CPE: variants seen among roughly 807,000 people sequenced by gnomAD.
CPE encodes the protein carbocypeptidase E.
Under a neutral mutation model 53.5 loss-of-function variants are expected in CPE, and 17 were observed. That is an observed-to-expected ratio of 0.32 (90% CI 0.22 to 0.48). The LOEUF (loss-of-function observed/expected upper bound fraction) is 0.48, where lower values mean the gene tolerates loss of function less well. CPE is among the 20% of genes least tolerant of loss of function. The pLI, the probability that CPE is intolerant of heterozygous loss-of-function variation, is 0.99. For synonymous variants in CPE, 226 were observed against 228.8 expected, an observed-to-expected ratio of 0.99 and a Z score of 0.11; for missense variants, 524 against 614.7, an observed-to-expected ratio of 0.85 and a Z score of 1.56.
chr4:165,490,483 A>T (rs1329748412), intron 6 of CPE, among the ~76,000 whole-genome samples: 1 of 151,992 alleles, frequency 6.6e-6, no homozygotes, highest in Non-Finnish European at 1.5e-5. Flanking sequence ...AATACAAAAA[A>T]TTAGCCGGGC....
At chr4:165,455,884 C>T (rs1305240818) in intron 1 of CPE, among the ~76,000 whole-genome samples, 1 of 152,138 alleles carries the variant, frequency 6.6e-6, no homozygotes, top group Non-Finnish European at 1.5e-5. Flanking sequence ...AACTCCTGAC[C>T]TCAGGTAATC....
chr4:165,404,054 A>T, intron 1 of CPE: 1 of 933,526 alleles, frequency 1.1e-6, no homozygotes, highest in Non-Finnish European at 1.8e-6. Context: ...TGAGTGAGGC[A>T]TGAGGCCTGC....
At position 165,398,060 on chromosome 4, in the gene CPE, A is replaced by C. The variant is rs368873431; in HGVS notation, c.307+18532A>C. 5.3e-5 allele frequency among the ~76,000 whole-genome samples: 8 copies of C among 151,316 alleles called. No homozygotes were observed. In the East Asian group the frequency reaches 1.4e-3, roughly 26 times the overall value. On this transcript the variant is annotated intron_variant, in intron 1 of 8. Coordinates refer to ENST00000402744, the MANE Select transcript of CPE (RefSeq NM_001873.4). Reference sequence around the variant, plus strand: ...AGCAAGTCCTCATTTCTAAAAAAAAAAAAAAAAAAAACAAAACCCCACTAA... The same window carrying C: ...AGCAAGTCCTCATTTCTAAAAAAAACAAAAAAAAAAACAAAACCCCACTAA...
chr4:165,451,936 T>G (rs1017405122), intron 1 of CPE, among the ~76,000 whole-genome samples: 2 of 152,018 alleles, frequency 1.3e-5, no homozygotes, highest in Non-Finnish European at 2.9e-5. Flanking sequence ...CCCCCGTTTT[T>G]TTTTTCGTTT....
intron 1 of CPE, among the ~76,000 whole-genome samples, chr4:165,439,494 G>A (rs1283721897): frequency 6.6e-6 from 1 of 151,272 alleles, no homozygotes; most frequent in Admixed American, 6.6e-5. Context: ...AGAGCCATCT[G>A]TGTTCTCTAT....
chr4:165,483,273 AGATAAT>A (rs1249549711), intron 4 of CPE, among the ~76,000 whole-genome samples: 1 of 152,214 alleles, frequency 6.6e-6, no homozygotes, highest in Non-Finnish European at 1.5e-5. Flanking sequence ...ATTTCGCTCC[AGATAAT>A]GGCTCCTAGC....
chr4:165,394,993 T>C (rs1206729295), intron 1 of CPE, among the ~76,000 whole-genome samples: 3 of 152,196 alleles, frequency 2.0e-5, no homozygotes, highest in Non-Finnish European at 4.4e-5. Context: ...TGGTATGAAT[T>C]ACTGTAGGAA....
intron 1 of CPE, among the ~76,000 whole-genome samples, chr4:165,423,890 G>A (rs1183071708): frequency 1.4e-5 from 2 of 147,246 alleles, no homozygotes; most frequent in African/African-American, 2.5e-5. Context: ...GAGAATATGC[G>A]GTGTTTGGTT....
chr4:165,486,774 C>T (rs1411059988), intron 5 of CPE, among the ~76,000 whole-genome samples: 2 of 152,132 alleles, frequency 1.3e-5, no homozygotes, highest in Non-Finnish European at 1.5e-5. Context: ...TTTCCTCTGT[C>T]CCCTTTGGTT....
intron 1 of CPE, among the ~76,000 whole-genome samples, chr4:165,453,777 G>T (rs1393524238): frequency 1.3e-5 from 2 of 152,088 alleles, no homozygotes; most frequent in Non-Finnish European, 2.9e-5. Flanking sequence ...AAGCAGCCCA[G>T]TCCTCCCACA....
chr4:165,407,206 G>A (rs1380028045), intron 1 of CPE, among the ~76,000 whole-genome samples: 1 of 152,072 alleles, frequency 6.6e-6, no homozygotes, highest in Admixed American at 6.6e-5. Flanking sequence ...CATTCCCATC[G>A]GCAGTGTACA....
At chr4:165,443,821 G>A (rs1167728154) in intron 1 of CPE, among the ~76,000 whole-genome samples, 1 of 152,120 alleles carries the variant, frequency 6.6e-6, no homozygotes, top group Non-Finnish European at 1.5e-5. Context: ...CAATGTGATG[G>A]CATGAGGGGA....
intron 1 of CPE, among the ~76,000 whole-genome samples, chr4:165,443,618 C>A (rs1731653567): frequency 6.6e-6 from 1 of 152,128 alleles, no homozygotes; most frequent in African/African-American, 2.4e-5. Context: ...TTTCTGTGTC[C>A]AATTTTCTCT....
At chr4:165,469,685 G>A (rs752116072) in intron 3 of CPE, among the ~76,000 whole-genome samples, 2 of 152,006 alleles carry the variant, frequency 1.3e-5, no homozygotes, top group Non-Finnish European at 2.9e-5. Context: ...TATGTTATTT[G>A]TTTATACACC....
chr4:165,450,703 T>C (rs1314634989), intron 1 of CPE, among the ~76,000 whole-genome samples: 1 of 152,200 alleles, frequency 6.6e-6, no homozygotes, highest in African/African-American at 2.4e-5. Context: ...CTGATAATAT[T>C]CCATCATCTT....
At chr4:165,418,798 T>C (rs953117154) in intron 1 of CPE, among the ~76,000 whole-genome samples, 41 of 152,248 alleles carry the variant, frequency 2.7e-4, no homozygotes, top group Middle Eastern at 3.4e-3. Context: ...TTTTTTGGAA[T>C]GGGATATAGA....
rs911898655 is a variant in CPE at position 165,498,423 on chromosome 4, A to G, written c.*813A>G. On this transcript the variant is annotated 3_prime_UTR_variant, in exon 9 of 9. Coordinates refer to ENST00000402744, the MANE Select transcript of CPE (RefSeq NM_001873.4). ...GCGGCTTCTCATATATTCATCCTGT[A>G]CATTTTAAAATTTGTTAAGCAACTA... 1 of 152,160 alleles carries G rather than the reference A, an allele frequency of 6.6e-6. No homozygotes were observed. Among genetic ancestry groups the G allele is most frequent in the Non-Finnish European group, 1.5e-5 (1 of 68,036 alleles). 9.4% of individuals were successfully genotyped at this position (152,160 alleles called of 1,614,324 possible). A position where few individuals can be genotyped will look rare whatever the true frequency, so the allele number is the denominator to read the frequency against.
In CPE at chr4:165,483,281, G is replaced by T. The variant is rs184873918; in HGVS notation, c.790+922G>T. On this transcript the variant is annotated intron_variant, in intron 4 of 8. Transcript: ENST00000402744. ...CTGAATTATTTCGCTCCAGATAATG[G>T]CTCCTAGCTCCATCCATGTCGTTGC... Among the ~76,000 whole-genome samples, 1,292 of 152,210 alleles carry T rather than the reference G, an allele frequency of 8.5e-3. 17 individuals are homozygous for T. Among genetic ancestry groups the T allele is most frequent in the African/African-American group, 0.029 (1,223 of 41,526 alleles).
intron 6 of CPE, among the ~76,000 whole-genome samples, chr4:165,491,390 T>G (rs1732601326): frequency 6.6e-6 from 1 of 152,180 alleles, no homozygotes; most frequent in African/African-American, 2.4e-5. Context: ...AGCTAGCATC[T>G]TTCTAAGTTT....
Sources: allele counts gnomAD v4.1 joint callset (sites outside exome capture counted in the v4.1 genomes callset), GRCh38; gene constraint gnomAD v4.1.1; transcripts MANE v1.5; gene names NCBI Gene and HGNC (gene_info 2026-07-23, HGNC 2026-07-21).